The following OSTF1 variants were observed in gnomAD, a reference collection of about 807,000 sequenced individuals.
OSTF1 encodes osteoclast-stimulating factor 1.
In OSTF1, 27 loss-of-function variants were observed where a neutral mutation model predicts 37.2. The ratio of observed to expected loss-of-function variants is 0.73; its 90% CI spans 0.54 to 1.00. The LOEUF is 1.00. OSTF1 is among the 50% of genes least tolerant of loss of function. The pLI, the probability that OSTF1 is intolerant of heterozygous loss-of-function variation, is 0.00. For missense variants in OSTF1, 232 were observed against 253.8 expected (o/e 0.91, Z 0.58); for synonymous variants, 82 against 89.2 (o/e 0.92, Z 0.46).
At chr9:75,125,500 C>A in intron 2 of OSTF1, among the ~76,000 whole-genome samples, 1 of 152,202 alleles carries the variant, frequency 6.6e-6, no homozygotes, top group African/African-American at 2.4e-5. Flanking sequence ...CAAATAATAT[C>A]AAAATGTGTA....
At chr9:75,088,766 C>T (rs1485544128) in intron 1 of OSTF1, 40 bp downstream of exon 1, 2 of 1,576,086 alleles carry the variant, frequency 1.3e-6, no homozygotes, top group East Asian at 4.7e-5. Flanking sequence ...GTCCTGCGAC[C>T]GCCGCGGTGC....
intron 1 of OSTF1, among the ~76,000 whole-genome samples, chr9:75,107,921 A>T (rs745352613): frequency 2.3e-4 from 35 of 152,072 alleles, no homozygotes; most frequent in Non-Finnish European, 4.7e-4. Flanking sequence ...GGCATGACAT[A>T]TGGATTTACT....
At chr9:75,111,403 A>G (rs907384498) in intron 1 of OSTF1, among the ~76,000 whole-genome samples, 4 of 152,256 alleles carry the variant, frequency 2.6e-5, no homozygotes, top group Admixed American at 2.6e-4. Context: ...GTTGGACAGA[A>G]CAGAGAAGGG....
chr9:75,113,089 A>G (rs969598307), intron 1 of OSTF1, among the ~76,000 whole-genome samples: 1 of 152,140 alleles, frequency 6.6e-6, no homozygotes, highest in Admixed American at 6.6e-5. Flanking sequence ...CTAGTAGAGC[A>G]GGAGAGATGT....
intron 8 of OSTF1, among the ~76,000 whole-genome samples, chr9:75,139,027 C>CTTGT (rs566366498): frequency 8.3e-6 from 1 of 120,502 alleles, no homozygotes; most frequent in Non-Finnish European, 1.8e-5. Context: ...TTTGGGGACA[C>CTTGT]TTCTTTCTTT....
intron 1 of OSTF1, among the ~76,000 whole-genome samples, chr9:75,096,955 A>G (rs1398783290): frequency 4.6e-5 from 7 of 152,316 alleles, no homozygotes; most frequent in East Asian, 1.9e-4. Flanking sequence ...CTTTCTGGCT[A>G]GCACGTATTA....
At position 75,088,562 on chromosome 9, in the gene OSTF1, T is replaced by A. The variant is rs1824850244; in HGVS notation, c.-131T>A. ...CGTCCGCTCTTCCCGCAGCCAAGGG[T>A]GGGCGCCGGTCCTAGGAGGCGCACG... On this transcript the variant is annotated 5_prime_UTR_variant, in exon 1 of 10. Coordinates refer to ENST00000346234, the MANE Select transcript of OSTF1 (RefSeq NM_012383.5). 1 of 951,374 alleles carries A rather than the reference T, an allele frequency of 1.1e-6. No homozygotes were observed. The highest frequency in any genetic ancestry group is 1.6e-5 in the African/African-American group (1 of 61,514). 58.9% of individuals were successfully genotyped at this position (951,374 alleles called of 1,614,324 possible). A position where few individuals can be genotyped will look rare whatever the true frequency, so the allele number is the denominator to read the frequency against.
chr9:75,139,055 T>TTTCTTTCTTTCTTTCTTTC (rs1005371590), intron 8 of OSTF1, among the ~76,000 whole-genome samples: 2 of 137,236 alleles, frequency 1.5e-5, no homozygotes, highest in Non-Finnish European at 1.5e-5. Flanking sequence ...TCTTTCTTTC[T>TTTCTTTCTTTCTTTCTTTC]TTTTTTTTTG....
chr9:75,105,990 G>T (rs944068154), intron 1 of OSTF1, among the ~76,000 whole-genome samples: 11 of 152,172 alleles, frequency 7.2e-5, no homozygotes, highest in Non-Finnish European at 1.5e-4. Context: ...GAACGCTCTT[G>T]TCAGAAAACA....
At chr9:75,100,724 C>T (rs906681102) in intron 1 of OSTF1, among the ~76,000 whole-genome samples, 2 of 143,850 alleles carry the variant, frequency 1.4e-5, no homozygotes, top group Non-Finnish European at 3.0e-5. Context: ...GAGTGAGACT[C>T]GTCTCAAAAA....
chr9:75,126,116 T>A (rs926189969), intron 2 of OSTF1, among the ~76,000 whole-genome samples: 40 of 152,262 alleles, frequency 2.6e-4, no homozygotes, highest in African/African-American at 9.4e-4. Flanking sequence ...GGTTTCACCA[T>A]GTTGGCCAGG....
At chr9:75,127,718 T>C (rs112170898) in intron 3 of OSTF1, 99 bp downstream of exon 3, 26 of 673,234 alleles carry the variant, frequency 3.9e-5, no homozygotes, top group African/African-American at 3.3e-4. Context: ...TAGAAATACA[T>C]ATGTACAAGT....
intron 7 of OSTF1, 48 bp from the exon 8 acceptor site, chr9:75,137,485 TTTCAA>T: frequency 8.2e-7 from 1 of 1,216,056 alleles, no homozygotes; most frequent in South Asian, 1.2e-5. Flanking sequence ...TAACATGTAC[TTTCAA>T]TCCACCCTCT....
chr9:75,108,776 G>T (rs1341842898), intron 1 of OSTF1, among the ~76,000 whole-genome samples: 2 of 152,038 alleles, frequency 1.3e-5, no homozygotes, highest in Non-Finnish European at 2.9e-5. Flanking sequence ...TAATGTGCTG[G>T]CAGCGTCACT....
At chr9:75,120,529 G>A (rs1168657585) in intron 2 of OSTF1, among the ~76,000 whole-genome samples, 1 of 152,098 alleles carries the variant, frequency 6.6e-6, no homozygotes, top group African/African-American at 2.4e-5. Context: ...GAGACTGGAG[G>A]TGACTCTTGA....
chr9:75,100,831 T>C (rs945051047), intron 1 of OSTF1, among the ~76,000 whole-genome samples: 1 of 152,052 alleles, frequency 6.6e-6, no homozygotes, highest in Non-Finnish European at 1.5e-5. Flanking sequence ...GTGGAAGTAT[T>C]GTCACAACTC....
At chr9:75,114,870 T>TTTAAAAAGG (rs1164369357) in intron 1 of OSTF1, among the ~76,000 whole-genome samples, 3 of 152,156 alleles carry the variant, frequency 2.0e-5, no homozygotes, top group Non-Finnish European at 4.4e-5. Context: ...TTTTTAAAAT[T>TTTAAAAAGG]CATGCTTCCA....
At chr9:75,094,567 AGT>A in intron 1 of OSTF1, among the ~76,000 whole-genome samples, 1 of 152,108 alleles carries the variant, frequency 6.6e-6, no homozygotes, top group South Asian at 2.1e-4. Context: ...TGACTAGTGC[AGT>A]GAGATTTTCT....
At chr9:75,141,312 C>CAAAAAAAAAAAAAAAAAAA (rs529293090) in intron 9 of OSTF1, among the ~76,000 whole-genome samples, 16 of 71,680 alleles carry the variant, frequency 2.2e-4, no homozygotes, top group Non-Finnish European at 3.0e-4. Context: ...AAAAGAAAAC[C>CAAAAAAAAAAAAAAAAAAA]AAAAAAAAAA....
Sources: gnomAD v4.1 joint callset for allele counts (sites outside exome capture counted in the v4.1 genomes callset) on GRCh38, gnomAD v4.1.1 for gene constraint, MANE v1.5 for transcripts, NCBI Gene and HGNC (gene_info 2026-07-23, HGNC 2026-07-21) for gene names.